DAGLB: variants seen among roughly 807,000 people sequenced by gnomAD.
DAGLB encodes diacylglycerol lipase-beta.
Under a neutral mutation model 72.1 loss-of-function variants are expected in DAGLB, and 66 were observed. That is an observed-to-expected ratio of 0.92 (90% CI 0.75 to 1.12). The LOEUF (loss-of-function observed/expected upper bound fraction) is 1.12. Ranked by LOEUF, DAGLB falls within the 50% of genes most tolerant of loss-of-function variation. The pLI is 0.00. For missense variants in DAGLB, 1,065 were observed against 884.9 expected, an observed-to-expected ratio of 1.20 and a Z score of -2.58; for synonymous variants, 414 against 359.5, an observed-to-expected ratio of 1.15 and a Z score of -1.71.
intron 6 of DAGLB, among the ~76,000 whole-genome samples, chr7:6,427,999 C>T (rs1166008284): frequency 6.6e-6 from 1 of 152,050 alleles, no homozygotes; most frequent in Non-Finnish European, 1.5e-5. Context: ...GGATAAAAAG[C>T]TCTTTTTTAT....
At chr7:6,432,998 C>G (rs1469901439) in intron 4 of DAGLB, 39 bp from the exon 5 acceptor site, 5 of 1,600,500 alleles carry the variant, frequency 3.1e-6, no homozygotes, top group Non-Finnish European at 4.3e-6. Context: ...TAAAACCCAG[C>G]AGGCACCACC....
At position 6,432,862 on chromosome 7, in the gene DAGLB, AC is replaced by A; in HGVS notation, c.775del (p.Val259SerfsTer17). ...CTGGGAGCTCCCTGGGGCATGGCAG[AC>A]CACCTGGGCAGGCTCTTGGTTGTTC... ...IRNNQEPAQV[V>X]CHAPGSSQEA... On this transcript the variant is annotated frameshift_variant, in exon 5 of 15. Transcript: ENST00000297056. LOFTEE classifies it high-confidence loss of function. 1 of 1,613,866 alleles carries A rather than the reference AC, an allele frequency of 6.2e-7. No homozygotes were observed. Among genetic ancestry groups the A allele is most frequent in the Non-Finnish European group, 8.5e-7 (1 of 1,180,012 alleles).
At chr7:6,421,374 G>C (rs1784117442) in intron 9 of DAGLB, among the ~76,000 whole-genome samples, 1 of 126,866 alleles carries the variant, frequency 7.9e-6, no homozygotes, top group Non-Finnish European at 1.7e-5. Context: ...GGCAGCGCGG[G>C]AGGCGCAGGC....
At chr7:6,433,657 T>C (rs923897947) in intron 4 of DAGLB, among the ~76,000 whole-genome samples, 1 of 152,092 alleles carries the variant, frequency 6.6e-6, no homozygotes, top group African/African-American at 2.4e-5. Context: ...CTGGCCAACA[T>C]GGTGAAACCC....
At chr7:6,419,040 A>T (rs565918719) in intron 9 of DAGLB, among the ~76,000 whole-genome samples, 12 of 151,646 alleles carry the variant, frequency 7.9e-5, no homozygotes, top group African/African-American at 2.7e-4. Context: ...GAAAATTTTT[A>T]AAAAGGCTTC....
Position 6,432,874 on chromosome 7 carries a change from G to A in DAGLB, c.764C>T (p.Pro255Leu). 6.2e-6 allele frequency: 10 copies of A among 1,613,982 alleles called. No homozygotes were observed. Among genetic ancestry groups the A allele is most frequent in the Non-Finnish European group, 8.5e-6 (10 of 1,180,028 alleles). Residue 255 changes from proline to leucine, a missense_variant, in exon 5 of 15, where the codon CCT becomes CTT. Physicochemically the swap from Pro to Leu is moderately conservative, Grantham distance 98 (BLOSUM62 -3). Coordinates refer to ENST00000297056, the MANE Select transcript of DAGLB (RefSeq NM_139179.4). Reference protein sequence around the residue: ...QQDNIRNNQEPAQVVCHAPGS... With the variant: ...QQDNIRNNQELAQVVCHAPGS... ...TGGGGCATGGCAGACCACCTGGGCAGGCTCTTGGTTGTTCCTGATATTGTC... is the reference window on the plus strand; with the variant it reads ...TGGGGCATGGCAGACCACCTGGGCAAGCTCTTGGTTGTTCCTGATATTGTC...
intron 2 of DAGLB, 140 bp from the exon 3 acceptor site, chr7:6,436,673 TAATC>T (rs1784669226): frequency 1.0e-6 from 1 of 987,714 alleles, no homozygotes; most frequent in Non-Finnish European, 1.5e-6. Flanking sequence ...TTATAATTGG[TAATC>T]AGCACCTAAG....
At chr7:6,432,316 C>T (rs1257371150) in intron 5 of DAGLB, among the ~76,000 whole-genome samples, 1 of 150,870 alleles carries the variant, frequency 6.6e-6, no homozygotes, top group Non-Finnish European at 1.5e-5. Flanking sequence ...TGCACTCCAG[C>T]CCGAGCAACA....
At chr7:6,417,346 C>A in intron 9 of DAGLB, 1 of 159,846 alleles carries the variant, frequency 6.3e-6, no homozygotes, top group Admixed American at 6.2e-5. Context: ...GTCGCTGGAA[C>A]ACATGAAGTT....
Position 6,416,876 on chromosome 7 carries a change from C to T in DAGLB, c.1264G>A (p.Asp422Asn), listed in dbSNP as rs770206185. 12 of 1,614,200 alleles carry T rather than the reference C, an allele frequency of 7.4e-6. No individual in the cohort carries two copies. The highest frequency in any genetic ancestry group is 1.1e-5 in the South Asian group (1 of 91,080). ...CTGAAGGCTTGGCTCAAAATCCCGT[C>T]GTTGATGAGTCGTTGGTAAACGTAT... ...ARYVYQRLIN[D>N]GILSQAFSIA... The change falls in exon 10 of 15, where the codon GAC becomes AAC. Residue 422 changes from aspartate to asparagine, a missense_variant. Physicochemically the swap from Asp to Asn is conservative, Grantham distance 23 (BLOSUM62 1). Coordinates refer to ENST00000297056, the MANE Select transcript of DAGLB (RefSeq NM_139179.4).
chr7:6,438,377 T>C (rs1266063436), intron 2 of DAGLB, among the ~76,000 whole-genome samples: 4 of 151,532 alleles, frequency 2.6e-5, no homozygotes, highest in African/African-American at 9.7e-5. Flanking sequence ...CAAAAATAAA[T>C]AAATAAATAA....
At chr7:6,425,887 G>A in intron 7 of DAGLB, 101 bp downstream of exon 7, 1 of 1,555,266 alleles carries the variant, frequency 6.4e-7, no homozygotes, top group Admixed American at 1.8e-5. Context: ...GTGTTTGTGT[G>A]TCTATGAATT....
At chr7:6,436,259 T>C (rs1462884655) in intron 3 of DAGLB, 103 bp downstream of exon 3, 1 of 1,410,148 alleles carries the variant, frequency 7.1e-7, no homozygotes, top group East Asian at 2.4e-5. Flanking sequence ...TTCTAACTAT[T>C]TGAGGAAGTC....
chr7:6,432,938 C>T lies in DAGLB; in HGVS notation c.700G>A (p.Asp234Asn), dbSNP rs745983401. Residue 234 changes from aspartate (D) to asparagine (N), a missense_variant, in exon 5 of 15, where the codon GAC becomes AAC. Physicochemically the swap from Asp to Asn is conservative, Grantham distance 23. Coordinates refer to ENST00000297056, the MANE Select transcript of DAGLB (RefSeq NM_139179.4). ...AGCAGGGCGAGGCCCGCCGCAATGTCGCTGGGCACCAGATCTGTGTCCTGG... is the reference window on the plus strand; with the variant it reads ...AGCAGGGCGAGGCCCGCCGCAATGTTGCTGGGCACCAGATCTGTGTCCTGG... The part of the protein sequence containing the change: ...YFSDTDLVPS[D>N]IAAGLALLHQ... 1.9e-6 allele frequency: 3 copies of T among 1,613,808 alleles called. No individual in the cohort carries two copies. The highest frequency in any genetic ancestry group is 1.7e-4 in the Middle Eastern group (1 of 5,992).
intron 13 of DAGLB, 35 bp from the exon 14 acceptor site, chr7:6,410,415 CTCACCCTCTG>C (rs1280565460): frequency 1.3e-6 from 2 of 1,565,260 alleles, no homozygotes; most frequent in East Asian, 4.5e-5. Flanking sequence ...AATGCTGTCA[CTCACCCTCTG>C]TCACCCGAGA....
chr7:6,442,959 G>C (rs555253659), intron 2 of DAGLB, among the ~76,000 whole-genome samples: 59 of 150,512 alleles, frequency 3.9e-4, no homozygotes, highest in African/African-American at 1.3e-3. Context: ...GGATCACGAG[G>C]TCAAGAGATG....
chr7:6,438,399 C>T (rs1473148282), intron 2 of DAGLB, among the ~76,000 whole-genome samples: 1 of 151,850 alleles, frequency 6.6e-6, no homozygotes. Flanking sequence ...ATATTAGGCA[C>T]TAACAGCCTC....
rs57374634 is a variant in DAGLB, at chr7:6,430,250, C to CATATATATATATATATATATAT, written c.929+208_929+229dup. ...GGTTCGGGGAAAAAAAATACATGTGCATATATATATATATATATATATATA... is the reference window on the plus strand; with the variant it reads ...GGTTCGGGGAAAAAAAATACATGTGCATATATATATATATATATATATATATATATATATATATATATATATA... On this transcript the variant is annotated intron_variant, in intron 6 of 14. Transcript: ENST00000297056. Among the ~76,000 whole-genome samples the CATATATATATATATATATATAT allele has an allele frequency of 1.8e-3, 84 of 45,724 alleles. 1 individual carries two copies. Among genetic ancestry groups the CATATATATATATATATATATAT allele is most frequent in the South Asian group, 3.2e-3 (3 of 944 alleles). 30.0% of individuals were successfully genotyped at this position (45,724 alleles called of 152,430 possible).
rs537369625 is a variant in DAGLB at position 6,447,844 on chromosome 7, G to C, written c.-2C>G. 6.2e-7 allele frequency: 1 copy of C among 1,610,164 alleles called. No homozygotes were observed. The highest frequency in any genetic ancestry group is 1.1e-5 in the South Asian group (1 of 90,352). On this transcript the variant is annotated 5_prime_UTR_variant, in exon 1 of 15. Transcript: ENST00000297056. ...GCCGAAGAGTACCATCCCCGGCATGGCGAAGGTCCCGTAGCTCGCACTCAG... is the reference window on the plus strand; with the variant it reads ...GCCGAAGAGTACCATCCCCGGCATGCCGAAGGTCCCGTAGCTCGCACTCAG...
Sources: allele counts gnomAD v4.1 joint callset (sites outside exome capture counted in the v4.1 genomes callset), GRCh38; gene constraint gnomAD v4.1.1; transcripts MANE v1.5; gene names NCBI Gene and HGNC (gene_info 2026-07-23, HGNC 2026-07-21).